ATP8A1: variants seen among roughly 807,000 people sequenced by gnomAD.
ATP8A1 encodes the protein ATPase phospholipid transporting 8A1.
ATP8A1 carries 90 observed loss-of-function variants against 177.7 expected under a neutral mutation model. That is an observed-to-expected ratio of 0.51 (90% CI 0.43 to 0.60). The LOEUF is 0.60. ATP8A1 is among the 20% of genes least tolerant of loss of function. The pLI, the probability that ATP8A1 is intolerant of heterozygous loss-of-function variation, is 0.00. For missense variants in ATP8A1, 1,072 were observed against 1,392.8 expected, an observed-to-expected ratio of 0.77 and a Z score of 3.67; for synonymous variants, 493 against 485.9, an observed-to-expected ratio of 1.01 and a Z score of -0.19.
intron 5 of ATP8A1, among the ~76,000 whole-genome samples, chr4:42,609,085 T>C (rs936321198): frequency 1.3e-5 from 2 of 152,188 alleles, no homozygotes; most frequent in Non-Finnish European, 2.9e-5. Context: ...CTTTCAATCA[T>C]GTAATACACA....
intron 24 of ATP8A1, among the ~76,000 whole-genome samples, chr4:42,488,846 C>T (rs183862533): frequency 6.6e-6 from 1 of 152,320 alleles, no homozygotes; most frequent in African/African-American, 2.4e-5. Context: ...CAGCAAAACC[C>T]TGAGTTTCTT....
chr4:42,482,065 G>A (rs1476767215), intron 25 of ATP8A1, among the ~76,000 whole-genome samples: 3 of 152,304 alleles, frequency 2.0e-5, no homozygotes, highest in Non-Finnish European at 2.9e-5. Context: ...CACTTTGGGA[G>A]GCCGAGTGTG....
chr4:42,429,446 G>A (rs1438389552), intron 33 of ATP8A1, among the ~76,000 whole-genome samples: 1 of 151,348 alleles, frequency 6.6e-6, no homozygotes, highest in Non-Finnish European at 1.5e-5. Context: ...AGGAAGAGAA[G>A]GAAGTACCAG....
At chr4:42,593,360 T>C (rs1734385252) in intron 6 of ATP8A1, among the ~76,000 whole-genome samples, 1 of 151,994 alleles carries the variant, frequency 6.6e-6, no homozygotes, top group Non-Finnish European at 1.5e-5. Context: ...TATTATTTTT[T>C]CTGAAAACAA....
In ATP8A1 at chr4:42,632,755, T is replaced by C. The variant is rs549421105; in HGVS notation, c.50-5646A>G. Reference sequence around the variant, plus strand: ...AGTGCTCATCTTCCCCGAACAGTGTTTCATCACTTAACCCACTTAGGGGCT... The same window carrying C: ...AGTGCTCATCTTCCCCGAACAGTGTCTCATCACTTAACCCACTTAGGGGCT... On this transcript the variant is annotated intron_variant, in intron 1 of 36. Coordinates refer to ENST00000381668, the MANE Select transcript of ATP8A1 (RefSeq NM_006095.2). 1.1e-4 allele frequency among the ~76,000 whole-genome samples: 17 copies of C among 152,342 alleles called. No individual in the cohort carries two copies. In the South Asian group the frequency reaches 3.3e-3, roughly 30 times the overall value.
rs925656238 is a variant in ATP8A1, at chr4:42,619,737, T to C, written c.364-3659A>G. 4.6e-5 allele frequency among the ~76,000 whole-genome samples: 7 copies of C among 152,294 alleles called. No individual in the cohort carries two copies. The South Asian group carries it at 1.2e-3, about 27-fold the overall frequency. On this transcript the variant is annotated intron_variant, in intron 4 of 36. Coordinates refer to ENST00000381668, the MANE Select transcript of ATP8A1 (RefSeq NM_006095.2). ...TCTGCTTTATTCACTGATGTATTAGTGGCAGCCATGACCAGTCTTCACCAA... is the reference window on the plus strand; with the variant it reads ...TCTGCTTTATTCACTGATGTATTAGCGGCAGCCATGACCAGTCTTCACCAA...
In ATP8A1 at chr4:42,490,658, T is replaced by C. The variant is rs567725550; in HGVS notation, c.2152-4990A>G. On this transcript the variant is annotated intron_variant, in intron 24 of 36. Transcript: ENST00000381668. ...CCTTCTCACCTTTTGTTTCTTTCAC[T>C]TCTCTTTGCATCTTCATTCTCCCCA... 2.1e-4 allele frequency among the ~76,000 whole-genome samples: 32 copies of C among 152,340 alleles called. No individual in the cohort carries two copies. The South Asian group carries it at 2.7e-3, about 13-fold the overall frequency.
chr4:42,540,238 T>G (rs1728249090), intron 20 of ATP8A1, among the ~76,000 whole-genome samples: 2 of 152,262 alleles, frequency 1.3e-5, no homozygotes, highest in Middle Eastern at 3.4e-3. Context: ...AGATGTATCT[T>G]ACCCCAGTCA....
At chr4:42,611,160 C>A (rs16854603) in intron 5 of ATP8A1, among the ~76,000 whole-genome samples, 4,196 of 152,238 alleles carry the variant, frequency 0.028, 188 homozygotes, top group African/African-American at 0.094. Flanking sequence ...AGCAACTATG[C>A]GCCCTGCAGG....
intron 22 of ATP8A1, among the ~76,000 whole-genome samples, chr4:42,508,495 G>A (rs1440979347): frequency 6.6e-6 from 1 of 152,218 alleles, no homozygotes; most frequent in Non-Finnish European, 1.5e-5. Flanking sequence ...ATGGTAAGCG[G>A]GAGAGAACAA....
intron 6 of ATP8A1, among the ~76,000 whole-genome samples, chr4:42,599,000 T>C (rs958595237): frequency 3.9e-5 from 6 of 152,138 alleles, no homozygotes; most frequent in Non-Finnish European, 7.4e-5. Context: ...TGACTGAAAA[T>C]GCTATTATTA....
chr4:42,508,880 C>G (rs564534977), intron 22 of ATP8A1, among the ~76,000 whole-genome samples: 17 of 152,306 alleles, frequency 1.1e-4, no homozygotes, highest in Middle Eastern at 3.4e-3. Context: ...CCATTTTCTA[C>G]TTTTCCTTAT....
At chr4:42,626,307 G>A (rs1001858981) in intron 2 of ATP8A1, 2 of 152,234 alleles carry the variant, frequency 1.3e-5, no homozygotes, top group Non-Finnish European at 2.9e-5. Context: ...CAAATAGAAA[G>A]GAGATTAAAG....
chr4:42,589,852 CT>C (rs5857854), intron 7 of ATP8A1, among the ~76,000 whole-genome samples: 63,465 of 149,898 alleles, frequency 0.42, 13,234 homozygotes, highest in East Asian at 0.47. Context: ...TCTAATTCTA[CT>C]TTTTTTTTTT....
intron 27 of ATP8A1, among the ~76,000 whole-genome samples, chr4:42,457,104 C>G (rs1011769503): frequency 1.3e-5 from 2 of 152,200 alleles, no homozygotes; most frequent in African/African-American, 2.4e-5. Context: ...GCAGAGAAAT[C>G]AGAGTCAAAT....
At chr4:42,476,060 T>C (rs1417091407) in intron 25 of ATP8A1, among the ~76,000 whole-genome samples, 1 of 151,872 alleles carries the variant, frequency 6.6e-6, no homozygotes, top group Non-Finnish European at 1.5e-5. Context: ...ATTAAAATAC[T>C]AAAACCAGAG....
intron 22 of ATP8A1, among the ~76,000 whole-genome samples, chr4:42,507,671 G>A (rs1234575238): frequency 2.1e-5 from 3 of 141,240 alleles, no homozygotes; most frequent in Admixed American, 1.5e-4. Flanking sequence ...AGGGGTTGCA[G>A]GTGAGCTGAG....
rs560549521 is a variant in ATP8A1 at position 42,503,117 on chromosome 4, G to A, written c.2151+333C>T. Among the ~76,000 whole-genome samples, 5 of 152,328 alleles carry A rather than the reference G, an allele frequency of 3.3e-5. No individual in the cohort carries two copies. The South Asian group carries it at 1.0e-3, about 32-fold the overall frequency. On this transcript the variant is annotated intron_variant, in intron 24 of 36. Transcript: ENST00000381668. ...TATATGAATACTGGAAGTTAAAGCAGATGTAAAATGTTTAACATACAGAAT... is the reference window on the plus strand; with the variant it reads ...TATATGAATACTGGAAGTTAAAGCAAATGTAAAATGTTTAACATACAGAAT...
chr4:42,425,719 T>G (rs1380844070), intron 33 of ATP8A1, among the ~76,000 whole-genome samples: 3 of 151,690 alleles, frequency 2.0e-5, no homozygotes, highest in Non-Finnish European at 4.4e-5. Context: ...CCTGAGACAA[T>G]GGTGGATTGC....
Sources: gnomAD v4.1 joint callset for allele counts (sites outside exome capture counted in the v4.1 genomes callset) on GRCh38, gnomAD v4.1.1 for gene constraint, MANE v1.5 for transcripts, NCBI Gene and HGNC (gene_info 2026-07-23, HGNC 2026-07-21) for gene names.